The following SYT17 variants were observed in gnomAD, a reference collection of about 807,000 sequenced individuals.
The protein encoded by SYT17 is synaptotagmin 17.
Under a neutral mutation model 46.7 loss-of-function variants are expected in SYT17, and 22 were observed. That is an observed-to-expected ratio of 0.47 (90% confidence interval 0.34 to 0.67). The LOEUF is 0.67. SYT17 is among the 30% of genes least tolerant of loss of function. SYT17 has a pLI of 0.01. For synonymous variants in SYT17, 251 were observed against 248.4 expected (o/e 1.01, Z -0.10); for missense variants, 519 against 612.8 (o/e 0.85, Z 1.62).
At chr16:19,209,371 T>C (rs1244894403) in intron 5 of SYT17, among the ~76,000 whole-genome samples, 2 of 152,130 alleles carry the variant, frequency 1.3e-5, no homozygotes, top group Admixed American at 6.5e-5. Context: ...AGGGTTTTCA[T>C]AGATGAGAAA....
chr16:19,249,810 A>G (rs1284846577), intron 7 of SYT17: 28 of 889,246 alleles, frequency 3.1e-5, no homozygotes, highest in Non-Finnish European at 4.3e-5. Context: ...GTTTCTGGCC[A>G]TGCATGGTCT....
In SYT17 at chr16:19,168,617, C is replaced by T; in HGVS notation, c.-30C>T. On this transcript the variant is annotated 5_prime_UTR_variant, in exon 1 of 8. Transcript: ENST00000355377. The surrounding 1 kb of genome is among the most constrained non-coding windows in gnomAD (Gnocchi z 6.9). ...CAAAGTGGCCGTGGCGGCGCCATGC[C>T]CGGGCCGGAGTGAGTGCGCGCGGGC... 2 of 1,541,374 alleles carry T rather than the reference C, an allele frequency of 1.3e-6. No homozygotes were observed. The highest frequency in any genetic ancestry group is 1.8e-6 in the Non-Finnish European group (2 of 1,142,058).
intron 7 of SYT17, among the ~76,000 whole-genome samples, chr16:19,235,528 C>T (rs1966839816): frequency 6.6e-6 from 1 of 152,138 alleles, no homozygotes; most frequent in Non-Finnish European, 1.5e-5. Context: ...CAGGATACAA[C>T]CCAAAATGAC....
At chr16:19,240,941 CTT>C (rs970503158) in intron 7 of SYT17, among the ~76,000 whole-genome samples, 4 of 98,782 alleles carry the variant, frequency 4.0e-5, no homozygotes, top group Non-Finnish European at 7.9e-5. Flanking sequence ...AGGCTCAGTT[CTT>C]TTTTTTTTTT....
intron 5 of SYT17, among the ~76,000 whole-genome samples, chr16:19,205,501 G>T (rs229009): frequency 0.62 from 94,004 of 150,956 alleles, 30,088 homozygotes; most frequent in African/African-American, 0.73. Context: ...GTACAGTGGC[G>T]TGATCTCAGC....
rs972452264 is a variant in SYT17, at chr16:19,180,249, C to T, written c.183-142C>T. 13 of 820,456 alleles carry T rather than the reference C, an allele frequency of 1.6e-5. No homozygotes were observed. The Admixed American group carries it at 1.7e-4, about 11-fold the overall frequency. 50.8% of individuals were successfully genotyped at this position (820,456 alleles called of 1,614,324 possible). ...GACGTTGTTGAGAGTTTAAGGACAC[C>T]ACACTGTCAAATTTGCATTATTCCA... is the stretch of plus-strand genomic sequence containing the variant. On this transcript the variant is annotated intron_variant, in intron 3 of 7. Transcript: ENST00000355377.
intron 5 of SYT17, among the ~76,000 whole-genome samples, chr16:19,185,731 C>G (rs1373605337): frequency 6.6e-6 from 1 of 152,236 alleles, no homozygotes; most frequent in Admixed American, 6.5e-5. Flanking sequence ...TGCTCCCTCA[C>G]CTCACTTCAG....
At chr16:19,214,841 G>A (rs891996332) in intron 5 of SYT17, among the ~76,000 whole-genome samples, 1 of 151,484 alleles carries the variant, frequency 6.6e-6, no homozygotes, top group African/African-American at 2.4e-5. Flanking sequence ...CCAGGCTGGT[G>A]TGTAGTGGTG....
intron 7 of SYT17, among the ~76,000 whole-genome samples, chr16:19,233,286 G>T (rs1309954197): frequency 6.6e-6 from 1 of 152,158 alleles, no homozygotes; most frequent in Non-Finnish European, 1.5e-5. Context: ...TGGGTGGGAG[G>T]CCTGGAGGGC....
Position 19,224,663 on chromosome 16 carries a change from A to G in SYT17, c.1073-20A>G. The G allele has an allele frequency of 6.2e-7, 1 of 1,613,604 alleles. No individual in the cohort carries two copies. Among genetic ancestry groups the G allele is most frequent in the East Asian group, 2.2e-5 (1 of 44,876 alleles). On this transcript the variant is annotated intron_variant, in intron 6 of 7. Transcript: ENST00000355377. ...GTTTCATGATCTCCAACATTCTATG[A>G]TGCTGTGTCTAATTTTCAGACCCCT... is the stretch of plus-strand genomic sequence containing the variant.
At chr16:19,250,176 C>G in intron 7 of SYT17, 1 of 1,205,112 alleles carries the variant, frequency 8.3e-7, no homozygotes, top group Non-Finnish European at 1.1e-6. Flanking sequence ...CCATGAACAC[C>G]CATATTTCTA....
At chr16:19,227,506 G>A (rs151092043) in intron 7 of SYT17, among the ~76,000 whole-genome samples, 1,528 of 151,966 alleles carry the variant, frequency 0.01, 26 homozygotes, top group African/African-American at 0.034. Context: ...TTGTAGAGAC[G>A]GGGTTTTACC....
At chr16:19,176,234 C>T (rs1051518367) in intron 3 of SYT17, among the ~76,000 whole-genome samples, 9 of 152,110 alleles carry the variant, frequency 5.9e-5, no homozygotes, top group Admixed American at 3.3e-4. Context: ...CATTCTGTTG[C>T]GGTTGCATAA....
chr16:19,223,658 A>T (rs185103953), intron 6 of SYT17, among the ~76,000 whole-genome samples: 37 of 152,338 alleles, frequency 2.4e-4, no homozygotes, highest in African/African-American at 8.2e-4. Context: ...TTCTTCCATG[A>T]CAGCAAAGGA....
chr16:19,267,124 G>C lies in SYT17; in HGVS notation c.*48G>C. ...CATTTGTTTAAAAAAAAAAAAAAAA[G>C]ACGGAAAAAAATGTGTCACATACTA... On this transcript the variant is annotated 3_prime_UTR_variant, in exon 8 of 8. Transcript: ENST00000355377. The C allele has an allele frequency of 1.2e-6, 1 of 819,362 alleles. No homozygotes were observed. The highest frequency in any genetic ancestry group is 1.7e-6 in the Non-Finnish European group (1 of 574,338). The allele number at this position is 819,362 out of a possible 1,614,324, so 50.8% of individuals were successfully genotyped here.
rs925370396 is a variant in SYT17, at chr16:19,244,072, C to T, written c.1228+19234C>T. On this transcript the variant is annotated intron_variant, in intron 7 of 7. Coordinates refer to ENST00000355377, the MANE Select transcript of SYT17 (RefSeq NM_016524.4). ...TGGTAGCTCTTATAATAAAAATAGC[C>T]AACATTTATTAAAGTCTTAGAATCC... Among the ~76,000 whole-genome samples, 5 of 152,040 alleles carry T rather than the reference C, an allele frequency of 3.3e-5. No individual in the cohort carries two copies. The South Asian group carries it at 1.0e-3, about 32-fold the overall frequency.
At chr16:19,176,853 A>G (rs1308034291) in intron 3 of SYT17, among the ~76,000 whole-genome samples, 5 of 152,176 alleles carry the variant, frequency 3.3e-5, no homozygotes, top group South Asian at 2.1e-4. Flanking sequence ...GCTTTCACCA[A>G]AAATCTCAAC....
chr16:19,190,071 A>G (rs944216221), intron 5 of SYT17, among the ~76,000 whole-genome samples: 11 of 152,190 alleles, frequency 7.2e-5, no homozygotes, highest in Admixed American at 1.3e-4. Context: ...GGACAAGGGG[A>G]TTGACATAGA....
intron 5 of SYT17, among the ~76,000 whole-genome samples, chr16:19,222,167 T>G (rs976655933): frequency 9.2e-5 from 14 of 152,224 alleles, no homozygotes; most frequent in Admixed American, 3.3e-4. Context: ...CTAAAACGTT[T>G]CACAAGTCAG....
Sources: gnomAD v4.1 joint callset for allele counts (sites outside exome capture counted in the v4.1 genomes callset) on GRCh38, gnomAD v4.1.1 for gene constraint, Gnocchi (gnomAD v3.1) non-coding constraint, MANE v1.5 for transcripts, NCBI Gene and HGNC (gene_info 2026-07-23, HGNC 2026-07-21) for gene names.